Variants in CAMK2D observed in about 807,000 individuals in gnomAD.
CAMK2D encodes the protein calcium/calmodulin dependent protein kinase II delta, also known as calcium/calmodulin-dependent protein kinase type II subunit delta.
Under a neutral mutation model 84.0 loss-of-function variants are expected in CAMK2D, and 37 were observed. That is an observed-to-expected ratio of 0.44 (90% CI 0.34 to 0.58). CAMK2D has a LOEUF of 0.58. Ranked by LOEUF, CAMK2D falls within the 20% of genes least tolerant of loss-of-function variation. The pLI is 0.02. For synonymous variants in CAMK2D, 202 were observed against 212.5 expected, an observed-to-expected ratio of 0.95 and a Z score of 0.43; for missense variants, 448 against 652.5, an observed-to-expected ratio of 0.69 and a Z score of 3.41.
At chr4:113,533,042 A>G (rs774263412) in intron 7 of CAMK2D, among the ~76,000 whole-genome samples, 4 of 152,086 alleles carry the variant, frequency 2.6e-5, no homozygotes, top group East Asian at 1.9e-4. Context: ...TATGATTTCA[A>G]TAACTTAGAA....
In CAMK2D at chr4:113,588,661, T is replaced by C. The variant is rs144717014; in HGVS notation, c.275+20491A>G. On this transcript the variant is annotated intron_variant, in intron 4 of 20. Transcript: ENST00000511664. ...AAAACCTAAAACATTCACTTACAACTCTTTAAACCCTTTGCAAAACAATGC... is the reference window on the plus strand; with the variant it reads ...AAAACCTAAAACATTCACTTACAACCCTTTAAACCCTTTGCAAAACAATGC... 7.9e-5 allele frequency among the ~76,000 whole-genome samples: 12 copies of C among 152,312 alleles called. No homozygotes were observed. The East Asian group carries it at 2.1e-3, about 27-fold the overall frequency.
intron 9 of CAMK2D, among the ~76,000 whole-genome samples, chr4:113,516,446 C>T (rs1478517792): frequency 2.6e-5 from 4 of 152,134 alleles, no homozygotes; most frequent in Non-Finnish European, 5.9e-5. Flanking sequence ...CCAAGCAGTG[C>T]ATTTTCAGGG....
At chr4:113,626,562 G>A (rs1448649659) in intron 3 of CAMK2D, among the ~76,000 whole-genome samples, 1 of 152,136 alleles carries the variant, frequency 6.6e-6, no homozygotes, top group Non-Finnish European at 1.5e-5. Context: ...TTTACCATGT[G>A]GGACAATAGG....
At chr4:113,735,298 A>G (rs1297292114) in intron 2 of CAMK2D, among the ~76,000 whole-genome samples, 1 of 93,042 alleles carries the variant, frequency 1.1e-5, no homozygotes, top group African/African-American at 4.4e-5. Flanking sequence ...GGAAAAAAAA[A>G]AAAAAAAAAA....
chr4:113,686,291 GGTTGTAGTA>G (rs2099359645), intron 2 of CAMK2D, among the ~76,000 whole-genome samples: 1 of 152,116 alleles, frequency 6.6e-6, no homozygotes, highest in South Asian at 2.1e-4. Flanking sequence ...CTTCTACTAT[GGTTGTAGTA>G]GTGTCAGTGC....
At chr4:113,476,971 C>T (rs2097634689) in intron 16 of CAMK2D, among the ~76,000 whole-genome samples, 1 of 152,126 alleles carries the variant, frequency 6.6e-6, no homozygotes, top group East Asian at 1.9e-4. Flanking sequence ...AGCACCCTTT[C>T]CCTAGCCCCC....
chr4:113,555,122 T>C (rs1038013812), intron 4 of CAMK2D, among the ~76,000 whole-genome samples: 4 of 152,192 alleles, frequency 2.6e-5, no homozygotes, highest in African/African-American at 9.6e-5. Context: ...CCATCAGAAA[T>C]GGTCAAAATT....
chr4:113,454,527 AAG>A lies in CAMK2D; in HGVS notation c.*30-14_*30-13del. Reference sequence around the variant, plus strand: ...CTGTTGAAATTTAGCTGAAAGGAGAAAGGGGGAGGAAGAAATAAATTATATTG... The same window carrying A: ...CTGTTGAAATTTAGCTGAAAGGAGAAGGGGAGGAAGAAATAAATTATATTG... On this transcript the variant is annotated splice_polypyrimidine_tract_variant and intron_variant, in intron 20 of 20. Coordinates refer to ENST00000511664, the MANE Select transcript of CAMK2D (RefSeq NM_001321571.2). 1 of 778,420 alleles carries A rather than the reference AAG, an allele frequency of 1.3e-6. No individual in the cohort carries two copies. The allele number at this position is 778,420 out of a possible 1,614,324, so 48.2% of individuals were successfully genotyped here.
intron 4 of CAMK2D, among the ~76,000 whole-genome samples, chr4:113,599,436 G>C: frequency 6.6e-6 from 1 of 152,258 alleles, no homozygotes; most frequent in Middle Eastern, 3.4e-3. Flanking sequence ...AGCAGTCAAG[G>C]TGTCTTTCAT....
At chr4:113,505,681 ATAC>A (rs1318976832) in intron 13 of CAMK2D, among the ~76,000 whole-genome samples, 1 of 152,152 alleles carries the variant, frequency 6.6e-6, no homozygotes, top group Non-Finnish European at 1.5e-5. Context: ...TAAGAGGAAA[ATAC>A]TACATTTTCT....
chr4:113,583,209 G>A (rs558494897), intron 4 of CAMK2D, among the ~76,000 whole-genome samples: 3 of 151,198 alleles, frequency 2.0e-5, no homozygotes, highest in Admixed American at 6.6e-5. Context: ...GAATTCCAAT[G>A]TGCATTATTT....
chr4:113,710,212 T>C (rs1184487158), intron 2 of CAMK2D, among the ~76,000 whole-genome samples: 10 of 152,164 alleles, frequency 6.6e-5, no homozygotes, highest in Admixed American at 5.9e-4. Context: ...GTTATATTTA[T>C]TTCCTAGAGT....
intron 16 of CAMK2D, among the ~76,000 whole-genome samples, chr4:113,486,247 C>T (rs537710864): frequency 5.3e-5 from 8 of 152,022 alleles, no homozygotes; most frequent in African/African-American, 1.7e-4. Context: ...CTCAGCCTCT[C>T]GAGTAGGTGG....
intron 16 of CAMK2D, among the ~76,000 whole-genome samples, chr4:113,467,691 T>C (rs1001268913): frequency 6.6e-6 from 1 of 152,180 alleles, no homozygotes. Flanking sequence ...CAGCAAAACA[T>C]AGTGACAGAA....
intron 2 of CAMK2D, among the ~76,000 whole-genome samples, chr4:113,732,373 T>C (rs142942711): frequency 1.1e-4 from 17 of 152,230 alleles, no homozygotes; most frequent in Admixed American, 5.2e-4. Context: ...TCCTCCTGCA[T>C]GGGCCTCCCA....
chr4:113,655,793 C>CTTTCCTG (rs1360688235), intron 3 of CAMK2D, among the ~76,000 whole-genome samples: 1 of 151,996 alleles, frequency 6.6e-6, no homozygotes, highest in Non-Finnish European at 1.5e-5. Context: ...TTTTCTTTTC[C>CTTTCCTG]TTTCCTGGCC....
chr4:113,500,192 C>T (rs2098014369), intron 16 of CAMK2D, among the ~76,000 whole-genome samples: 1 of 151,998 alleles, frequency 6.6e-6, no homozygotes. Flanking sequence ...ACTAGTAACT[C>T]ATTATTAGTT....
intron 4 of CAMK2D, among the ~76,000 whole-genome samples, chr4:113,584,253 G>A (rs1561151368): frequency 6.6e-6 from 1 of 152,176 alleles, no homozygotes; most frequent in Non-Finnish European, 1.5e-5. Context: ...GATGGAGATT[G>A]ACCTCAAAGT....
At chr4:113,549,305 G>T (rs1489988529) in intron 5 of CAMK2D, among the ~76,000 whole-genome samples, 1 of 152,122 alleles carries the variant, frequency 6.6e-6, no homozygotes, top group East Asian at 1.9e-4. Flanking sequence ...ACAATAAAGG[G>T]AGAATTTAAA....
Sources: gnomAD v4.1 joint callset for allele counts (sites outside exome capture counted in the v4.1 genomes callset) on GRCh38, gnomAD v4.1.1 for gene constraint, MANE v1.5 for transcripts, NCBI Gene and HGNC (gene_info 2026-07-23, HGNC 2026-07-21) for gene names.